PKNOX2: variants seen among roughly 807,000 people sequenced by gnomAD.
PKNOX2 encodes PBX/knotted 1 homeobox 2, also known as homeobox protein PKNOX2.
In PKNOX2, 14 loss-of-function variants were observed where a neutral mutation model predicts 53.1. The ratio of observed to expected loss-of-function variants is 0.26; its 90% CI spans 0.17 to 0.41. PKNOX2 has a LOEUF of 0.41. PKNOX2 is among the 10% of genes least tolerant of loss of function. The probability of loss-of-function intolerance (pLI) is 1.00; values close to 1 mark genes in which losing one functional copy is unlikely to be tolerated. For missense variants in PKNOX2, 496 were observed against 602.8 expected, an observed-to-expected ratio of 0.82 and a Z score of 1.85; for synonymous variants, 257 against 242.8, an observed-to-expected ratio of 1.06 and a Z score of -0.54.
At chr11:125,346,977 A>T (rs989749008) in intron 3 of PKNOX2, among the ~76,000 whole-genome samples, 1 of 152,118 alleles carries the variant, frequency 6.6e-6, no homozygotes, top group African/African-American at 2.4e-5. Flanking sequence ...GAGTTCTTCT[A>T]AGAGGGTAAC....
At chr11:125,273,959 G>C (rs1945988854) in intron 2 of PKNOX2, among the ~76,000 whole-genome samples, 1 of 152,126 alleles carries the variant, frequency 6.6e-6, no homozygotes, top group African/African-American at 2.4e-5. Context: ...GATCTTCTTG[G>C]ATATTGTGAG....
chr11:125,268,554 T>C (rs1299148005), intron 2 of PKNOX2, among the ~76,000 whole-genome samples: 1 of 152,222 alleles, frequency 6.6e-6, no homozygotes, highest in Non-Finnish European at 1.5e-5. Context: ...TGGGAGCTGG[T>C]GTTGGTGACT....
At chr11:125,301,188 A>G (rs1400173818) in intron 2 of PKNOX2, among the ~76,000 whole-genome samples, 1 of 152,164 alleles carries the variant, frequency 6.6e-6, no homozygotes, top group Non-Finnish European at 1.5e-5. Flanking sequence ...AGATGCTGCC[A>G]ATCCACTGCT....
At chr11:125,223,371 A>G (rs1047170201) in intron 1 of PKNOX2, among the ~76,000 whole-genome samples, 14 of 152,118 alleles carry the variant, frequency 9.2e-5, no homozygotes, top group African/African-American at 2.9e-4. Context: ...CTGGGATTAC[A>G]GGCACCCGCC....
intron 1 of PKNOX2, among the ~76,000 whole-genome samples, chr11:125,187,363 T>C (rs1335380056): frequency 1.3e-5 from 2 of 152,232 alleles, no homozygotes; most frequent in Non-Finnish European, 2.9e-5. Flanking sequence ...TCTTTTCATT[T>C]CTTTAAATCT....
At chr11:125,411,901 C>T (rs1413742568) in intron 10 of PKNOX2, 36 bp downstream of exon 10, 3 of 1,612,960 alleles carry the variant, frequency 1.9e-6, no homozygotes, top group Non-Finnish European at 2.5e-6. Context: ...GGAGTCCCGG[C>T]ATGGGGTATG....
intron 1 of PKNOX2, among the ~76,000 whole-genome samples, chr11:125,229,233 G>A (rs1216109747): frequency 2.0e-5 from 3 of 152,144 alleles, no homozygotes; most frequent in Non-Finnish European, 4.4e-5. Context: ...CAGGCAGCAT[G>A]AGTCAGCCTC....
chr11:125,395,462 G>T (rs1788965292), intron 6 of PKNOX2, among the ~76,000 whole-genome samples: 1 of 152,172 alleles, frequency 6.6e-6, no homozygotes, highest in Non-Finnish European at 1.5e-5. Context: ...TGGGTCATAT[G>T]GTACGCACAT....
rs1365724929 is a variant in PKNOX2 at position 125,385,591 on chromosome 11, T to A, written c.268T>A (p.Cys90Ser). The A allele has an allele frequency of 1.2e-5, 20 of 1,611,506 alleles. No homozygotes were observed. Among genetic ancestry groups the A allele is most frequent in the Non-Finnish European group, 1.5e-5 (18 of 1,179,210 alleles). Residue 90 changes from cysteine (C) to serine (S), a missense_variant, in exon 6 of 13, where the codon TGT (cysteine) becomes AGT (serine). Transcript: ENST00000298282. ...GCTCCTGACGCTGCTGTTTGAGAAATGTGAACAGGCCACCCAGGGCTCTGA... is the reference window on the plus strand; with the variant it reads ...GCTCCTGACGCTGCTGTTTGAGAAAAGTGAACAGGCCACCCAGGGCTCTGA... ...FPLLTLLFEKCEQATQGSECI... is the reference protein window; with the variant it reads ...FPLLTLLFEKSEQATQGSECI...
chr11:125,356,707 C>T (rs1951638257), intron 4 of PKNOX2, among the ~76,000 whole-genome samples: 1 of 152,244 alleles, frequency 6.6e-6, no homozygotes, highest in African/African-American at 2.4e-5. Context: ...TCTTTCCCTC[C>T]CTGTCCTAGC....
chr11:125,285,523 T>C (rs1441741215), intron 2 of PKNOX2, among the ~76,000 whole-genome samples: 2 of 152,200 alleles, frequency 1.3e-5, no homozygotes, highest in Non-Finnish European at 2.9e-5. Context: ...ATGGGGATCA[T>C]AAATGGCCTA....
At position 125,429,407 on chromosome 11, in the gene PKNOX2, C is replaced by G. The variant is rs910373602; in HGVS notation, c.1013+319C>G. 3.5e-4 allele frequency among the ~76,000 whole-genome samples: 53 copies of G among 152,178 alleles called. 1 individual carries two copies. The highest frequency in any genetic ancestry group is 2.4e-4 in the Non-Finnish European group (16 of 68,028). The stretch of plus-strand genomic sequence containing the variant: ...CACTTCAGAGACAGACAGGATTGCC[C>G]GCAGCTGTGCACCGGAGGCCAGTGG... On this transcript the variant is annotated intron_variant, in intron 11 of 12. Coordinates refer to ENST00000298282, the MANE Select transcript of PKNOX2 (RefSeq NM_001382323.2).
chr11:125,388,767 C>T (rs1053188115), intron 6 of PKNOX2, among the ~76,000 whole-genome samples: 1 of 152,186 alleles, frequency 6.6e-6, no homozygotes, highest in African/African-American at 2.4e-5. Context: ...CCACAATCAC[C>T]CAGGGCTGAT....
At position 125,182,992 on chromosome 11, in the gene PKNOX2, G is replaced by A. The variant is rs994530599; in HGVS notation, c.-201+18216G>A. 3.3e-5 allele frequency among the ~76,000 whole-genome samples: 5 copies of A among 152,176 alleles called. No homozygotes were observed. The South Asian group carries it at 6.2e-4, about 19-fold the overall frequency. Reference sequence around the variant, plus strand: ...ATCAATGAAACTTGCAAGAGGGACCGTGGAGAGCCTCTGGTTTAATTTGGC... The same window carrying A: ...ATCAATGAAACTTGCAAGAGGGACCATGGAGAGCCTCTGGTTTAATTTGGC... On this transcript the variant is annotated intron_variant, in intron 1 of 12. Transcript: ENST00000298282.
chr11:125,208,438 G>C (rs7941260), intron 1 of PKNOX2, among the ~76,000 whole-genome samples: 3,233 of 152,188 alleles, frequency 0.021, 120 homozygotes, highest in African/African-American at 0.073. Context: ...GGAGTAACAA[G>C]AGAAGACTTT....
rs116743879 is a variant in PKNOX2 at position 125,387,770 on chromosome 11, C to A, written c.399+2048C>A. Among the ~76,000 whole-genome samples the A allele has an allele frequency of 7.3e-3, 1,118 of 152,142 alleles. 22 individuals carry two copies. Among genetic ancestry groups the A allele is most frequent in the African/African-American group, 0.025 (1,017 of 41,464 alleles). ...TGGACATTCCATCTACTTGGGTGCACCTGATTTATCTAGTTGAGTTAGCCA... is the reference window on the plus strand; with the variant it reads ...TGGACATTCCATCTACTTGGGTGCAACTGATTTATCTAGTTGAGTTAGCCA... On this transcript the variant is annotated intron_variant, in intron 6 of 12. Coordinates refer to ENST00000298282, the MANE Select transcript of PKNOX2 (RefSeq NM_001382323.2).
chr11:125,391,646 TAAG>T (rs1386574843), intron 6 of PKNOX2, among the ~76,000 whole-genome samples: 1 of 152,194 alleles, frequency 6.6e-6, no homozygotes, highest in African/African-American at 2.4e-5. Context: ...TTATAGAAAA[TAAG>T]AAACCCCATT....
At chr11:125,280,671 G>A (rs1280549666) in intron 2 of PKNOX2, among the ~76,000 whole-genome samples, 6 of 152,200 alleles carry the variant, frequency 3.9e-5, no homozygotes, top group African/African-American at 1.4e-4. Flanking sequence ...CAAGCAGGGT[G>A]AGGGGCAATG....
chr11:125,277,976 G>C (rs1338917919), intron 2 of PKNOX2, among the ~76,000 whole-genome samples: 2 of 152,030 alleles, frequency 1.3e-5, no homozygotes, highest in Non-Finnish European at 2.9e-5. Flanking sequence ...CAACACTTTG[G>C]GAGGCTGAGG....
Sources: allele counts gnomAD v4.1 joint callset (sites outside exome capture counted in the v4.1 genomes callset), GRCh38; gene constraint gnomAD v4.1.1; transcripts MANE v1.5; gene names NCBI Gene and HGNC (gene_info 2026-07-23, HGNC 2026-07-21).